Variants in CCDC73 observed in about 807,000 individuals in gnomAD.
CCDC73 encodes coiled-coil domain containing 73.
In CCDC73, 95 loss-of-function variants were observed where a neutral mutation model predicts 116.5. The ratio of observed to expected loss-of-function variants is 0.82; its 90% CI spans 0.69 to 0.97. The LOEUF (loss-of-function observed/expected upper bound fraction) is 0.97, where lower values mean the gene tolerates loss of function less well. Ranked by LOEUF, CCDC73 falls within the 50% of genes least tolerant of loss-of-function variation. The pLI is 0.00. For missense variants in CCDC73, 1,066 were observed against 1,206.8 expected (o/e 0.88, Z 1.73); for synonymous variants, 398 against 401.3 (o/e 0.99, Z 0.10).
In CCDC73 at chr11:32,614,191, A is replaced by G. The variant is rs200322290; in HGVS notation, c.2127T>C (p.His709=). 1.9e-6 allele frequency: 3 copies of G among 1,613,968 alleles called. No individual in the cohort carries two copies. Among genetic ancestry groups the G allele is most frequent in the Non-Finnish European group, 2.5e-6 (3 of 1,179,900 alleles). The change falls in exon 16 of 18, where the codon CAT becomes CAC. Residue 709 remains histidine (H), a synonymous_variant. Coordinates refer to ENST00000335185, the MANE Select transcript of CCDC73 (RefSeq NM_001008391.4). ...TVPCDIVIDH[H]VSYAAFSANS... is the part of the protein sequence containing the mutation. ...TAGCACTAAAAGCAGCATATGAAACATGGTGGTCGATTACTATATCACAGG... is the reference window on the plus strand; with the variant it reads ...TAGCACTAAAAGCAGCATATGAAACGTGGTGGTCGATTACTATATCACAGG...
chr11:32,649,709 C>CA (rs1322833433), intron 12 of CCDC73, among the ~76,000 whole-genome samples: 1 of 151,966 alleles, frequency 6.6e-6, no homozygotes, highest in African/African-American at 2.4e-5. Flanking sequence ...TAGTCCATGG[C>CA]AAAAAATGTC....
intron 1 of CCDC73, among the ~76,000 whole-genome samples, chr11:32,779,054 G>T (rs1351810071): frequency 1.3e-5 from 2 of 152,048 alleles, no homozygotes; most frequent in African/African-American, 4.8e-5. Context: ...AATGTTCCAT[G>T]AATACATTAC....
In CCDC73 at chr11:32,752,666, A is replaced by G. The variant is rs187594085; in HGVS notation, c.135+7443T>C. 3.1e-3 allele frequency among the ~76,000 whole-genome samples: 477 copies of G among 152,286 alleles called. 3 individuals are homozygous for G. The highest frequency in any genetic ancestry group is 4.3e-3 in the Non-Finnish European group (295 of 68,026). On this transcript the variant is annotated intron_variant, in intron 2 of 17. Coordinates refer to ENST00000335185, the MANE Select transcript of CCDC73 (RefSeq NM_001008391.4). ...ATTTATTTTATTAGTAGTAAAGTTA[A>G]GCATATTTTTGTACATTTTATGATT...
chr11:32,660,486 C>T (rs1280237446), intron 9 of CCDC73, among the ~76,000 whole-genome samples: 2 of 151,718 alleles, frequency 1.3e-5, no homozygotes, highest in Non-Finnish European at 2.9e-5. Context: ...ATTTATTATA[C>T]ATATATAAAA....
At chr11:32,689,951 C>T (rs1366207284) in intron 6 of CCDC73, among the ~76,000 whole-genome samples, 2 of 152,084 alleles carry the variant, frequency 1.3e-5, no homozygotes, top group East Asian at 1.9e-4. Context: ...ACCAAGATCG[C>T]GCCACTGCAC....
At chr11:32,805,378 T>C in the CCDC73 span, among the ~76,000 whole-genome samples, 2 of 152,218 alleles carry the variant, frequency 1.3e-5, no homozygotes, top group African/African-American at 4.8e-5. Context: ...AGACTCCCTT[T>C]ATTTCAATCA....
chr11:32,829,016 G>A, the CCDC73 span, among the ~76,000 whole-genome samples: 1 of 152,136 alleles, frequency 6.6e-6, no homozygotes, highest in Non-Finnish European at 1.5e-5. Flanking sequence ...GTGGACACCT[G>A]TAGTCCCAGC....
At chr11:32,682,556 G>A (rs1856156520) in intron 7 of CCDC73, 1 of 151,768 alleles carries the variant, frequency 6.6e-6, no homozygotes, top group African/African-American at 2.4e-5. Flanking sequence ...TACTTCTCAT[G>A]TATATAATAT....
intron 9 of CCDC73, among the ~76,000 whole-genome samples, chr11:32,664,131 C>T (rs569942917): frequency 2.5e-4 from 38 of 152,256 alleles, no homozygotes; most frequent in African/African-American, 7.5e-4. Flanking sequence ...GGATATTGGT[C>T]TAAAATTCTC....
intron 1 of CCDC73, among the ~76,000 whole-genome samples, chr11:32,766,027 T>C (rs1850438156): frequency 6.6e-6 from 1 of 152,114 alleles, no homozygotes; most frequent in African/African-American, 2.4e-5. Flanking sequence ...TAGGCCAATA[T>C]CCTTAATGAA....
At chr11:32,643,075 C>T (rs1855747657) in intron 12 of CCDC73, among the ~76,000 whole-genome samples, 1 of 151,664 alleles carries the variant, frequency 6.6e-6, no homozygotes, top group Admixed American at 6.6e-5. Flanking sequence ...GCTTACTTTC[C>T]ATATTACATA....
intron 2 of CCDC73, among the ~76,000 whole-genome samples, chr11:32,735,261 T>C (rs1850118369): frequency 6.6e-6 from 1 of 152,090 alleles, no homozygotes; most frequent in Admixed American, 6.5e-5. Flanking sequence ...GATTGTATAT[T>C]TAGAAAACCC....
chr11:32,825,997 CA>C, the CCDC73 span, among the ~76,000 whole-genome samples: 2 of 152,194 alleles, frequency 1.3e-5, no homozygotes, highest in African/African-American at 4.8e-5. Context: ...TTACTACTCA[CA>C]GTGTGACATG....
chr11:32,654,926 C>T lies in CCDC73; in HGVS notation c.692G>A (p.Cys231Tyr). The change falls in exon 10 of 18, where the codon TGT (cysteine) becomes TAT (tyrosine). Residue 231 changes from cysteine (C) to tyrosine (Y), a missense_variant. By Grantham distance (194) the Cys-to-Tyr change is radical. Transcript: ENST00000335185. ...ASDLIKSKVT[C>Y]QYKMGEENIN... ...GTTTTCTTCTCCCATCTTATATTGA[C>T]ATGTGACTTTGGACTTTATCAAGTC... 2 of 1,603,742 alleles carry T rather than the reference C, an allele frequency of 1.2e-6. No individual in the cohort carries two copies. The highest frequency in any genetic ancestry group is 1.7e-6 in the Non-Finnish European group (2 of 1,177,084).
At chr11:32,815,675 A>G in the CCDC73 span, among the ~76,000 whole-genome samples, 1 of 152,154 alleles carries the variant, frequency 6.6e-6, no homozygotes, top group East Asian at 1.9e-4. Context: ...CCTTTGCTAG[A>G]ATTTTGGAAA....
rs530270438 is a variant in CCDC73 at position 32,776,318 on chromosome 11, T to C, written c.-15-16060A>G. On this transcript the variant is annotated intron_variant, in intron 1 of 17. Transcript: ENST00000335185. ...GTGCATATTTTCTCCAGAATTATTT[T>C]GCAAAACATCACCTAAACCTCATCA... Among the ~76,000 whole-genome samples the C allele has an allele frequency of 6.2e-4, 95 of 152,354 alleles. 3 individuals are homozygous for C. The South Asian group carries it at 0.019, about 31-fold the overall frequency.
intron 9 of CCDC73, among the ~76,000 whole-genome samples, chr11:32,658,322 T>C (rs1415605305): frequency 2.6e-5 from 4 of 152,186 alleles, no homozygotes; most frequent in African/African-American, 7.2e-5. Flanking sequence ...CCCTGTTTAG[T>C]ACAAGTACAT....
chr11:32,695,774 T>TTA (rs375444135), intron 6 of CCDC73, among the ~76,000 whole-genome samples: 1 of 129,502 alleles, frequency 7.7e-6, no homozygotes, highest in South Asian at 2.6e-4. Flanking sequence ...AGTTTGGTTG[T>TTA]AAAAAAAAAA....
At chr11:32,675,674 T>C (rs776532925) in intron 8 of CCDC73, 30 bp from the exon 9 acceptor site, 1 of 1,482,706 alleles carries the variant, frequency 6.7e-7, no homozygotes, top group Admixed American at 2.0e-5. Context: ...TAAGAAAGCA[T>C]TATATTCAAT....
Sources: gnomAD v4.1 joint callset for allele counts (sites outside exome capture counted in the v4.1 genomes callset) on GRCh38, gnomAD v4.1.1 for gene constraint, MANE v1.5 for transcripts, NCBI Gene and HGNC (gene_info 2026-07-23, HGNC 2026-07-21) for gene names.